The following ZNF716 variants were observed in gnomAD, a reference collection of about 807,000 sequenced individuals.
ZNF716 encodes zinc finger protein 716.
Under a neutral mutation model 13.4 loss-of-function variants are expected in ZNF716, and 9 were observed. That is an observed-to-expected ratio of 0.67 (90% CI 0.41 to 1.18). The LOEUF is 1.18. Ranked by LOEUF, ZNF716 falls within the 50% of genes most tolerant of loss-of-function variation. The pLI, the probability that ZNF716 is intolerant of heterozygous loss-of-function variation, is 0.01. For missense variants in ZNF716, 581 were observed against 576.6 expected (o/e 1.01, Z -0.08); for synonymous variants, 186 against 195.2 (o/e 0.95, Z 0.39).
intron 1 of ZNF716, among the ~76,000 whole-genome samples, chr7:57,451,769 T>G (rs1789501324): frequency 1.5e-5 from 2 of 131,276 alleles, no homozygotes; most frequent in African/African-American, 2.8e-5. Context: ...ACTCTTTCTT[T>G]CTTTTTTTTT....
intron 1 of ZNF716, among the ~76,000 whole-genome samples, chr7:57,461,712 ACT>A (rs1402998334): frequency 1.3e-5 from 2 of 152,218 alleles, no homozygotes; most frequent in Non-Finnish European, 1.5e-5. Context: ...AGAAACTCAG[ACT>A]CTATCCCAAA....
chr7:57,462,416 G>A (rs1789723854), intron 1 of ZNF716, 44 bp from the exon 2 acceptor site: 2 of 1,593,332 alleles, frequency 1.3e-6, no homozygotes, highest in Non-Finnish European at 1.7e-6. Context: ...AACTGTTTGT[G>A]TGTTCATGAG....
chr7:57,462,392 T>G, intron 1 of ZNF716, 68 bp from the exon 2 acceptor site: 2 of 1,555,640 alleles, frequency 1.3e-6, no homozygotes, highest in Non-Finnish European at 1.8e-6. Context: ...AATCTCTGCC[T>G]ATGGCAACAT....
At chr7:57,463,038 A>G in intron 2 of ZNF716, 35 bp from the exon 3 acceptor site, 2 of 1,601,384 alleles carry the variant, frequency 1.2e-6, no homozygotes, top group African/African-American at 2.7e-5. Flanking sequence ...GAATTCAGCC[A>G]GATTTATGTT....
chr7:57,460,672 G>A (rs1789692423), intron 1 of ZNF716, among the ~76,000 whole-genome samples: 3 of 152,020 alleles, frequency 2.0e-5, no homozygotes, highest in Non-Finnish European at 2.9e-5. Flanking sequence ...TCCTATTGTA[G>A]CTGTTGAACA....
At chr7:57,455,893 A>C (rs1562675120) in intron 1 of ZNF716, among the ~76,000 whole-genome samples, 1 of 151,044 alleles carries the variant, frequency 6.6e-6, no homozygotes, top group Non-Finnish European at 1.5e-5. Context: ...TTTTTTGTAC[A>C]TCTTTTCTTT....
intron 3 of ZNF716, among the ~76,000 whole-genome samples, chr7:57,464,115 C>CTTTTTTTTTTTTTTTTTTTT (rs782745508): frequency 9.1e-6 from 1 of 110,238 alleles, no homozygotes; most frequent in Non-Finnish European, 1.7e-5. Flanking sequence ...TTGTCCATTT[C>CTTTTTTTTTTTTTTTTTTTT]TTTTTTCTTT....
At chr7:57,460,386 CTG>C (rs1789686408) in intron 1 of ZNF716, among the ~76,000 whole-genome samples, 1 of 92,718 alleles carries the variant, frequency 1.1e-5, no homozygotes, top group Non-Finnish European at 1.9e-5. Context: ...TAGAGTGAGA[CTG>C]TGTCTCAAAA....
At chr7:57,451,415 C>T (rs1351663861) in intron 1 of ZNF716, among the ~76,000 whole-genome samples, 1 of 151,012 alleles carries the variant, frequency 6.6e-6, no homozygotes, top group African/African-American at 2.4e-5. Context: ...ATTTTTACAC[C>T]CCACAGGAAA....
chr7:57,463,280 G>T (rs1789742168), intron 3 of ZNF716, 112 bp downstream of exon 3: 3 of 1,417,080 alleles, frequency 2.1e-6, no homozygotes, highest in Non-Finnish European at 1.9e-6. Flanking sequence ...AAGAGTTTCT[G>T]AGAAGCCAGA....
chr7:57,450,547 C>T (rs1307514848), intron 1 of ZNF716, among the ~76,000 whole-genome samples: 1 of 152,094 alleles, frequency 6.6e-6, no homozygotes, highest in Non-Finnish European at 1.5e-5. Flanking sequence ...TCTGCAGTGG[C>T]TTTGCCCTGG....
chr7:57,467,293 C>CA (rs1554324325), intron 3 of ZNF716, among the ~76,000 whole-genome samples: 3 of 151,982 alleles, frequency 2.0e-5, no homozygotes. Flanking sequence ...AATAATGCCA[C>CA]AGACTTTTAT....
intron 3 of ZNF716, 32 bp downstream of exon 3, chr7:57,463,200 G>A: frequency 1.9e-6 from 3 of 1,601,482 alleles, no homozygotes; most frequent in Non-Finnish European, 1.7e-6. Context: ...AGATGACACA[G>A]ATGAGAGTTA....
intron 3 of ZNF716, among the ~76,000 whole-genome samples, chr7:57,467,027 A>G (rs528609943): frequency 3.2e-4 from 48 of 151,884 alleles, no homozygotes; most frequent in Non-Finnish European, 5.9e-4. Flanking sequence ...TAATTGATTC[A>G]TTTTCTTTTG....
At chr7:57,450,737 T>A (rs1180894958) in intron 1 of ZNF716, among the ~76,000 whole-genome samples, 1 of 151,700 alleles carries the variant, frequency 6.6e-6, no homozygotes, top group Non-Finnish European at 1.5e-5. Context: ...GTATGGGGAG[T>A]CGCTGTAAAA....
In ZNF716 at chr7:57,468,949, T is replaced by C. The variant is rs1425585331; in HGVS notation, c.488T>C (p.Val163Ala). The change falls in exon 4 of 4, where the codon GTC becomes GCC. Residue 163 changes from valine to alanine, a missense_variant. Physicochemically the swap from Val to Ala is moderately conservative, Grantham distance 64. Coordinates refer to ENST00000420713, the MANE Select transcript of ZNF716 (RefSeq NM_001159279.1). ...AAAACATTTCAGACTCATAAATGCG[T>C]CAAAGTCTTTGGTAAATTTTCAAAT... ...QNKTFQTHKCVKVFGKFSNSN... is the reference protein window; with the variant it reads ...QNKTFQTHKCAKVFGKFSNSN... 1 of 1,610,032 alleles carries C rather than the reference T, an allele frequency of 6.2e-7. No individual in the cohort carries two copies. Among genetic ancestry groups the C allele is most frequent in the Non-Finnish European group, 8.5e-7 (1 of 1,177,790 alleles).
At chr7:57,462,028 C>G (rs782514022) in intron 1 of ZNF716, among the ~76,000 whole-genome samples, 1 of 151,942 alleles carries the variant, frequency 6.6e-6, no homozygotes, top group Non-Finnish European at 1.5e-5. Context: ...GGCATGGTGG[C>G]TCATGCCTGT....
chr7:57,460,210 C>T (rs540580832), intron 1 of ZNF716, among the ~76,000 whole-genome samples: 1 of 152,078 alleles, frequency 6.6e-6, no homozygotes, highest in Admixed American at 6.5e-5. Context: ...GCCTGACCAA[C>T]ATGGTGAAAG....
chr7:57,453,464 A>G (rs147564799), intron 1 of ZNF716, among the ~76,000 whole-genome samples: 16 of 152,318 alleles, frequency 1.1e-4, no homozygotes, highest in Non-Finnish European at 2.1e-4. Flanking sequence ...TTTTATCAGT[A>G]GAGCTCAATA....
Sources: allele counts gnomAD v4.1 joint callset (sites outside exome capture counted in the v4.1 genomes callset), GRCh38; gene constraint gnomAD v4.1.1; transcripts MANE v1.5; gene names NCBI Gene and HGNC (gene_info 2026-07-23, HGNC 2026-07-21).